Variants in TCERG1L observed in about 807,000 individuals in gnomAD.
TCERG1L encodes transcription elongation regulator 1-like protein.
In TCERG1L, 37 loss-of-function variants were observed where a neutral mutation model predicts 56.3. The observed-to-expected ratio is 0.66, with a 90% confidence interval of 0.51 to 0.87. TCERG1L has a LOEUF of 0.87. TCERG1L is among the 40% of genes least tolerant of loss of function. The pLI, the probability that TCERG1L is intolerant of heterozygous loss-of-function variation, is 0.00. For synonymous variants in TCERG1L, 324 were observed against 326.3 expected, an observed-to-expected ratio of 0.99 and a Z score of 0.08; for missense variants, 799 against 774.2, an observed-to-expected ratio of 1.03 and a Z score of -0.38.
chr10:131,098,319 T>C lies in TCERG1L; in HGVS notation c.1591A>G (p.Lys531Glu), dbSNP rs1177519395. 1.3e-6 allele frequency: 2 copies of C among 1,552,174 alleles called. No individual in the cohort carries two copies. Among genetic ancestry groups the C allele is most frequent in the Admixed American group, 2.0e-5 (1 of 50,986 alleles). ...EEFKKLLEESKVSPRTTFKEF... is the reference protein window; with the variant it reads ...EEFKKLLEESEVSPRTTFKEF... ...CTCTCTCCATACCTGGGAGACACTT[T>C]AGATTCCTCTAGAAGTTTCTTGAAT... Residue 531 changes from lysine (K) to glutamate (E), a missense_variant, in exon 11 of 12, where the codon AAA (lysine) becomes GAA (glutamate). Physicochemically the swap from Lys to Glu is moderately conservative, Grantham distance 56 (BLOSUM62 1). Transcript: ENST00000368642.
rs574548828 is a variant in TCERG1L, at chr10:131,281,553, C to T, written c.671-21109G>A. Among the ~76,000 whole-genome samples, 21 of 152,304 alleles carry T rather than the reference C, an allele frequency of 1.4e-4. No homozygotes were observed. The South Asian group carries it at 4.3e-3, about 32-fold the overall frequency. ...AAACTTTGAGTGAAGCCCAAGCCCC[C>T]AGATCCTTAGGGAAAGAGCCAGACA... On this transcript the variant is annotated intron_variant, in intron 3 of 11. Coordinates refer to ENST00000368642, the MANE Select transcript of TCERG1L (RefSeq NM_174937.4).
chr10:131,189,818 T>C (rs1387610650), intron 4 of TCERG1L, among the ~76,000 whole-genome samples: 1 of 152,214 alleles, frequency 6.6e-6, no homozygotes, highest in Admixed American at 6.5e-5. Context: ...AGTTCCTTTT[T>C]TCTGAATCCT....
At chr10:131,216,795 G>C (rs1342165464) in intron 4 of TCERG1L, among the ~76,000 whole-genome samples, 4 of 152,206 alleles carry the variant, frequency 2.6e-5, no homozygotes, top group Non-Finnish European at 1.5e-5. Context: ...TGGGAGTGGG[G>C]TGCACACAGG....
intron 4 of TCERG1L, among the ~76,000 whole-genome samples, chr10:131,239,538 C>T (rs529697816): frequency 3.3e-5 from 5 of 152,352 alleles, no homozygotes; most frequent in Admixed American, 2.0e-4. Context: ...CTCAACACCA[C>T]GCTGCACGCT....
At chr10:131,121,002 G>A (rs1242612720) in intron 8 of TCERG1L, among the ~76,000 whole-genome samples, 1 of 152,230 alleles carries the variant, frequency 6.6e-6, no homozygotes, top group Non-Finnish European at 1.5e-5. Context: ...AGCTGCCACA[G>A]GTGTGTCAGG....
At chr10:131,285,485 AAAG>A (rs1846516972) in intron 3 of TCERG1L, among the ~76,000 whole-genome samples, 3 of 18,434 alleles carry the variant, frequency 1.6e-4, no homozygotes, top group South Asian at 9.0e-3. Context: ...AGAAAGAAAG[AAAG>A]AAAGAAAGAA....
intron 6 of TCERG1L, among the ~76,000 whole-genome samples, chr10:131,158,951 TG>T (rs1489219265): frequency 2.0e-5 from 3 of 152,236 alleles, no homozygotes; most frequent in Non-Finnish European, 4.4e-5. Flanking sequence ...GCAGTGCCCG[TG>T]GGGTCCCCCA....
Position 131,154,230 on chromosome 10 carries a change from T to A in TCERG1L, c.1035-7570A>T, listed in dbSNP as rs568489373. On this transcript the variant is annotated intron_variant, in intron 6 of 11. Coordinates refer to ENST00000368642, the MANE Select transcript of TCERG1L (RefSeq NM_174937.4). The stretch of plus-strand genomic sequence containing the variant: ...GTACATCCACACCAAGCAGCCGCAA[T>A]ATAGGAAGGTCTGGGTTTCATTGAA... Among the ~76,000 whole-genome samples, 4 of 152,178 alleles carry A rather than the reference T, an allele frequency of 2.6e-5. No homozygotes were observed. In the East Asian group the frequency reaches 7.8e-4, roughly 30 times the overall value.
At chr10:131,196,783 A>C (rs11597694) in intron 4 of TCERG1L, among the ~76,000 whole-genome samples, 17,488 of 152,234 alleles carry the variant, frequency 0.11, 1,143 homozygotes, top group Middle Eastern at 0.19. Context: ...TCTACCAAAA[A>C]AGTAGCATTG....
rs996841169 is a variant in TCERG1L, at chr10:131,115,495, C to T, written c.1395+1304G>A. Among the ~76,000 whole-genome samples, 6 of 152,270 alleles carry T rather than the reference C, an allele frequency of 3.9e-5. No individual in the cohort carries two copies. The South Asian group carries it at 1.0e-3, about 26-fold the overall frequency. On this transcript the variant is annotated intron_variant, in intron 9 of 11. Coordinates refer to ENST00000368642, the MANE Select transcript of TCERG1L (RefSeq NM_174937.4). ...AACCAACACCCAGGCGTCCACATCG[C>T]GCCAGGGCCGGATCCACACGCGCGC...
intron 4 of TCERG1L, among the ~76,000 whole-genome samples, chr10:131,174,974 A>G (rs1269482287): frequency 1.4e-5 from 2 of 147,054 alleles, no homozygotes; most frequent in African/African-American, 5.0e-5. Flanking sequence ...ATGGGACCCC[A>G]CCCCCGCAAT....
chr10:131,187,006 GCC>G (rs1179301570), intron 4 of TCERG1L, among the ~76,000 whole-genome samples: 1 of 152,206 alleles, frequency 6.6e-6, no homozygotes, highest in Non-Finnish European at 1.5e-5. Context: ...TAGGTTGGCT[GCC>G]CTTCATCCCA....
At chr10:131,245,022 G>A (rs879380437) in intron 4 of TCERG1L, among the ~76,000 whole-genome samples, 13 of 152,172 alleles carry the variant, frequency 8.5e-5, no homozygotes, top group Non-Finnish European at 4.4e-5. Flanking sequence ...ACAGGGGAGT[G>A]GGGGAGCCCC....
intron 6 of TCERG1L, chr10:131,161,447 C>G (rs1465071525): frequency 6.6e-6 from 1 of 152,236 alleles, no homozygotes; most frequent in Non-Finnish European, 1.5e-5. Context: ...GTTCCAGATT[C>G]CTGACACAGA....
chr10:131,127,332 G>A (rs545890460), intron 8 of TCERG1L, among the ~76,000 whole-genome samples: 4 of 152,308 alleles, frequency 2.6e-5, no homozygotes, highest in African/African-American at 7.2e-5. Flanking sequence ...ACTGAGGCAC[G>A]TCCCAGGCCC....
At chr10:131,220,641 T>C (rs1432243739) in intron 4 of TCERG1L, among the ~76,000 whole-genome samples, 1 of 152,100 alleles carries the variant, frequency 6.6e-6, no homozygotes, top group East Asian at 1.9e-4. Context: ...AGGGAGCTGC[T>C]CCCAGGACCC....
chr10:131,209,031 C>A (rs2133485757), intron 4 of TCERG1L, among the ~76,000 whole-genome samples: 1 of 136,734 alleles, frequency 7.3e-6, no homozygotes, highest in African/African-American at 2.7e-5. Context: ...GCACTCCAGC[C>A]TGGGTGACAG....
intron 4 of TCERG1L, among the ~76,000 whole-genome samples, chr10:131,182,312 A>T (rs1262577907): frequency 6.6e-6 from 1 of 152,198 alleles, no homozygotes; most frequent in Non-Finnish European, 1.5e-5. Context: ...TTAAAGTTAC[A>T]CCAAAGACTG....
chr10:131,282,004 C>G (rs184151667), intron 3 of TCERG1L, among the ~76,000 whole-genome samples: 1 of 151,982 alleles, frequency 6.6e-6, no homozygotes, highest in South Asian at 2.1e-4. Context: ...GGCGCGGTGG[C>G]GGGCGCCTGT....
Sources: allele counts gnomAD v4.1 joint callset (sites outside exome capture counted in the v4.1 genomes callset), GRCh38; gene constraint gnomAD v4.1.1; transcripts MANE v1.5; gene names NCBI Gene and HGNC (gene_info 2026-07-23, HGNC 2026-07-21).